The following WDR7 variants were observed in gnomAD, a reference collection of about 807,000 sequenced individuals.
The protein encoded by WDR7 is WD repeat-containing protein 7.
Under a neutral mutation model 169.4 loss-of-function variants are expected in WDR7, and 46 were observed. The observed-to-expected ratio is 0.27, with a 90% CI of 0.21 to 0.35. The LOEUF (loss-of-function observed/expected upper bound fraction) is 0.35. Among genes scored for constraint, WDR7 ranks in the 10% least tolerant of loss-of-function variants. WDR7 has a pLI of 1.00. For synonymous variants in WDR7, 612 were observed against 666.8 expected (o/e 0.92, Z 1.27); for missense variants, 1,534 against 1,859.3 (o/e 0.83, Z 3.22).
At chr18:56,963,044 C>G (rs1470577550) in intron 26 of WDR7, among the ~76,000 whole-genome samples, 3 of 152,088 alleles carry the variant, frequency 2.0e-5, no homozygotes, top group Non-Finnish European at 1.5e-5. Context: ...TTTTGTAACA[C>G]TTTATGCTTT....
intron 22 of WDR7, among the ~76,000 whole-genome samples, chr18:56,931,977 C>T (rs1388899765): frequency 6.6e-6 from 1 of 151,944 alleles, no homozygotes; most frequent in Non-Finnish European, 1.5e-5. Context: ...TAGAGTTTTT[C>T]CTAGAGGTGG....
At chr18:56,851,519 G>C (rs1176629409) in intron 20 of WDR7, among the ~76,000 whole-genome samples, 1 of 152,070 alleles carries the variant, frequency 6.6e-6, no homozygotes, top group Non-Finnish European at 1.5e-5. Flanking sequence ...CTCTTTACTT[G>C]TTCATCTTCC....
intron 20 of WDR7, among the ~76,000 whole-genome samples, chr18:56,833,173 C>T (rs1332932786): frequency 6.6e-5 from 10 of 151,874 alleles, no homozygotes; most frequent in African/African-American, 1.9e-4. Flanking sequence ...AAACACAGCA[C>T]GAGAACTTCG....
rs908606251 is a variant in WDR7 at position 56,731,745 on chromosome 18, G to A, written c.1989+148G>A. 1.1e-5 allele frequency: 8 copies of A among 725,188 alleles called. No individual in the cohort carries two copies. In the African/African-American group the frequency reaches 1.2e-4, roughly 11 times the overall value. The allele number at this position is 725,188 out of a possible 1,614,324, so 44.9% of individuals were successfully genotyped here. ...TTTTCATTTAGGTTTATCCAACATGGTTTGAGTTTTTCAAGTACTTGGCAT... is the reference window on the plus strand; with the variant it reads ...TTTTCATTTAGGTTTATCCAACATGATTTGAGTTTTTCAAGTACTTGGCAT... On this transcript the variant is annotated intron_variant, in intron 14 of 27. Transcript: ENST00000254442.
intron 20 of WDR7, among the ~76,000 whole-genome samples, chr18:56,849,387 C>T (rs1487357154): frequency 6.6e-6 from 1 of 152,108 alleles, no homozygotes; most frequent in East Asian, 1.9e-4. Context: ...TTCTCTTTTG[C>T]TGCTCATTTC....
chr18:56,774,974 A>T (rs1379865386), intron 16 of WDR7, among the ~76,000 whole-genome samples: 1 of 152,104 alleles, frequency 6.6e-6, no homozygotes, highest in Non-Finnish European at 1.5e-5. Flanking sequence ...TTTCCTTAAA[A>T]ATAGTTAATA....
chr18:56,794,755 T>C (rs1362666275), intron 19 of WDR7, among the ~76,000 whole-genome samples: 1 of 152,232 alleles, frequency 6.6e-6, no homozygotes, highest in East Asian at 1.9e-4. Flanking sequence ...GTTTATGCCA[T>C]TTAGGATTCA....
At chr18:56,893,756 T>C (rs2046295612) in intron 21 of WDR7, among the ~76,000 whole-genome samples, 1 of 152,124 alleles carries the variant, frequency 6.6e-6, no homozygotes, top group South Asian at 2.1e-4. Flanking sequence ...TGGGGTTAGA[T>C]GGAGATGGCT....
At chr18:56,846,151 A>G (rs74748795) in intron 20 of WDR7, among the ~76,000 whole-genome samples, 6,249 of 152,256 alleles carry the variant, frequency 0.041, 210 homozygotes, top group East Asian at 0.12. Flanking sequence ...AGATTATGTG[A>G]TAAGGTTTGG....
intron 26 of WDR7, among the ~76,000 whole-genome samples, chr18:57,013,637 A>G (rs2048168314): frequency 6.6e-6 from 1 of 152,250 alleles, no homozygotes; most frequent in East Asian, 1.9e-4. Context: ...ATGGGAGTAC[A>G]TGTTTAATGA....
chr18:56,720,227 G>A (rs1008803632), intron 13 of WDR7, among the ~76,000 whole-genome samples: 1 of 152,000 alleles, frequency 6.6e-6, no homozygotes, highest in African/African-American at 2.4e-5. Flanking sequence ...GGAGTGGATC[G>A]CTTGAGCCAA....
chr18:56,942,851 A>G (rs1198985028), intron 25 of WDR7, among the ~76,000 whole-genome samples: 9 of 152,352 alleles, frequency 5.9e-5, no homozygotes, highest in African/African-American at 1.9e-4. Flanking sequence ...AAATTTTATG[A>G]AACATCAGAT....
chr18:56,776,510 CTA>C (rs541570439), intron 16 of WDR7, among the ~76,000 whole-genome samples: 86 of 152,062 alleles, frequency 5.7e-4, no homozygotes, highest in Middle Eastern at 3.4e-3. Flanking sequence ...TGTTTTAGAG[CTA>C]TGTTTTGCAT....
intron 20 of WDR7, among the ~76,000 whole-genome samples, chr18:56,818,421 C>T (rs2045022742): frequency 6.6e-6 from 1 of 152,162 alleles, no homozygotes; most frequent in African/African-American, 2.4e-5. Flanking sequence ...ATGCTACATA[C>T]ACTATATTTT....
chr18:56,871,319 A>G (rs2045949927), intron 20 of WDR7, among the ~76,000 whole-genome samples: 1 of 152,198 alleles, frequency 6.6e-6, no homozygotes, highest in Admixed American at 6.5e-5. Flanking sequence ...AAGGCTCTAA[A>G]AAACCATAAT....
chr18:56,721,130 T>C (rs1401869985), intron 13 of WDR7, among the ~76,000 whole-genome samples: 1 of 152,146 alleles, frequency 6.6e-6, no homozygotes, highest in Non-Finnish European at 1.5e-5. Context: ...TCTGAGGAGA[T>C]ACTTGATCTC....
intron 26 of WDR7, among the ~76,000 whole-genome samples, chr18:56,986,128 T>TGTGTGTGTG (rs2047714958): frequency 7.3e-6 from 1 of 136,258 alleles, no homozygotes; most frequent in African/African-American, 2.7e-5. Context: ...TTCAGCTTCT[T>TGTGTGTGTG]TGTGTGTGTG....
intron 20 of WDR7, among the ~76,000 whole-genome samples, chr18:56,851,506 T>C (rs1427708260): frequency 2.0e-5 from 3 of 152,228 alleles, no homozygotes; most frequent in Non-Finnish European, 2.9e-5. Flanking sequence ...ATATCATACT[T>C]GTCTCTTTAC....
At chr18:56,783,003 T>C (rs753746266) in intron 19 of WDR7, among the ~76,000 whole-genome samples, 3 of 152,156 alleles carry the variant, frequency 2.0e-5, no homozygotes, top group African/African-American at 7.2e-5. Flanking sequence ...TTATAATCTA[T>C]AAAAATGCAA....
Sources: gnomAD v4.1 joint callset for allele counts (sites outside exome capture counted in the v4.1 genomes callset) on GRCh38, gnomAD v4.1.1 for gene constraint, MANE v1.5 for transcripts, NCBI Gene and HGNC (gene_info 2026-07-23, HGNC 2026-07-21) for gene names.